The following CLDN14 variants were observed in gnomAD, a reference collection of about 807,000 sequenced individuals.
CLDN14 encodes the protein claudin-14.
In CLDN14, 2 loss-of-function variants were observed where a neutral mutation model predicts 2.1. That is an observed-to-expected ratio of 0.96 (90% CI 0.39 to 3.01). CLDN14 has a LOEUF of 3.01. Among genes scored for constraint, CLDN14 ranks in the 30% most tolerant of loss-of-function variants. CLDN14 has a pLI of 0.09. For missense variants in CLDN14, 298 were observed against 328.0 expected (o/e 0.91, Z 0.71); for synonymous variants, 136 against 154.4 (o/e 0.88, Z 0.88).
chr21:36,498,038 TG>T lies in CLDN14; in HGVS notation c.-82+12324del, dbSNP rs1355664966. 2.0e-5 allele frequency among the ~76,000 whole-genome samples: 3 copies of T among 151,896 alleles called. No individual in the cohort carries two copies. The highest frequency in any genetic ancestry group is 7.3e-5 in the African/African-American group (3 of 41,344). The stretch of plus-strand genomic sequence containing the variant: ...TTTTTGAGATGGAGTTTTGCTCTGT[TG>T]CCCAGGCTGGAGTGCAGTGGTGCAA... On this transcript the variant is annotated intron_variant, in intron 2 of 2. Transcript: ENST00000342108. This position sits in a 1 kb window ranked among gnomAD's most constrained non-coding sequence, Gnocchi z 4.9.
chr21:36,486,957 G>A, intron 2 of CLDN14: 1 of 473,666 alleles, frequency 2.1e-6, no homozygotes. Flanking sequence ...GGGCCATGTT[G>A]TTCTCAGGGT....
chr21:36,554,596 G>T (rs1336656893), intron 1 of CLDN14, among the ~76,000 whole-genome samples: 1 of 152,182 alleles, frequency 6.6e-6, no homozygotes, highest in Admixed American at 6.5e-5. Context: ...GGAAGGCAAG[G>T]CACAGAGAGG....
intron 1 of CLDN14, among the ~76,000 whole-genome samples, chr21:36,513,189 G>C (rs527520717): frequency 7.2e-5 from 11 of 152,326 alleles, no homozygotes; most frequent in African/African-American, 2.6e-4. Context: ...TGCCATCAGG[G>C]CCAATGAGAT....
chr21:36,461,184 G>A lies in CLDN14; in HGVS notation c.512C>T (p.Ser171Leu), dbSNP rs75617474. 29 of 1,613,930 alleles carry A rather than the reference G, an allele frequency of 1.8e-5. No homozygotes were observed. Among genetic ancestry groups the A allele is most frequent in the East Asian group, 2.2e-5 (1 of 44,860 alleles). Residue 171 changes from serine to leucine, a missense_variant, in exon 2 of 2, where the codon TCG becomes TTG. Ser to Leu is a moderately radical substitution (Grantham distance 145, BLOSUM62 -2). Transcript: ENST00000399135. Reference protein sequence around the residue: ...GQALYLGFISSSLSLIGGTLL... With the variant: ...GQALYLGFISLSLSLIGGTLL... Reference sequence around the variant, plus strand: ...GGTGCCACCAATGAGCGAGAGGGACGAGGAGATGAAGCCCAGGTACAGGGC... The same window carrying A: ...GGTGCCACCAATGAGCGAGAGGGACAAGGAGATGAAGCCCAGGTACAGGGC...
At chr21:36,467,698 G>T (rs888994121) in intron 1 of CLDN14, among the ~76,000 whole-genome samples, 1 of 152,042 alleles carries the variant, frequency 6.6e-6, no homozygotes, top group Non-Finnish European at 1.5e-5. Context: ...GGATGGGTGG[G>T]GTGTTTGAGT....
rs1480611097 is a variant in CLDN14 at position 36,461,503 on chromosome 21, G to A, written c.193C>T (p.Gln65Ter). ...VWHSTGIYQC[Q>*]IYRSLLALPQ... ...AGCGCCAGCAGGGATCGGTAGATCT[G>A]GCACTGGTAGATGCCTGTGCTGTGC... The change falls in exon 2 of 2, where the codon CAG (glutamine) becomes TAG (stop). Residue 65 changes from glutamine to a stop codon, truncating the protein, a stop_gained. Coordinates refer to ENST00000399135, the MANE Select transcript of CLDN14 (RefSeq NM_001146079.2). LOFTEE classifies it low-confidence loss of function (END_TRUNC). The A allele has an allele frequency of 1.9e-6, 3 of 1,613,282 alleles. No homozygotes were observed. The highest frequency in any genetic ancestry group is 2.5e-6 in the Non-Finnish European group (3 of 1,179,992).
intron 1 of CLDN14, among the ~76,000 whole-genome samples, chr21:36,514,553 A>G (rs1245330521): frequency 1.3e-5 from 2 of 151,902 alleles, no homozygotes; most frequent in Non-Finnish European, 2.9e-5. Flanking sequence ...AACTGGGATA[A>G]TCTCTTGCAG....
chr21:36,542,439 A>T (rs1425881570), intron 1 of CLDN14: 1 of 152,162 alleles, frequency 6.6e-6, no homozygotes, highest in Non-Finnish European at 1.5e-5. Flanking sequence ...TGATCAGCTG[A>T]TCCCCTGTGA....
chr21:36,545,507 GA>G (rs2087520408), intron 1 of CLDN14, among the ~76,000 whole-genome samples: 2 of 152,122 alleles, frequency 1.3e-5, no homozygotes, highest in African/African-American at 4.8e-5. Context: ...GGATGCAAAG[GA>G]CCATAATTTC....
chr21:36,518,327 G>A lies in CLDN14; in HGVS notation c.-219-7827C>T, dbSNP rs527585136. 5.8e-4 allele frequency among the ~76,000 whole-genome samples: 89 copies of A among 152,298 alleles called. 1 individual carries two copies. The highest frequency in any genetic ancestry group is 1.5e-3 in the African/African-American group (63 of 41,562). ...AAAAAGTTCATACTTCTGGCCGGGCGTGGTGGCTCATGCCTGTAATCCCAG... is the reference window on the plus strand; with the variant it reads ...AAAAAGTTCATACTTCTGGCCGGGCATGGTGGCTCATGCCTGTAATCCCAG... On this transcript the variant is annotated intron_variant, in intron 1 of 2. Coordinates refer to the CLDN14 transcript ENST00000342108.
chr21:36,575,537 C>T (rs2087735962), intron 1 of CLDN14, among the ~76,000 whole-genome samples: 1 of 152,112 alleles, frequency 6.6e-6, no homozygotes, highest in South Asian at 2.1e-4. Context: ...GTCATGCAAC[C>T]TCACTAATGC....
At chr21:36,493,245 C>T (rs1177567758) in intron 2 of CLDN14, among the ~76,000 whole-genome samples, 1 of 152,088 alleles carries the variant, frequency 6.6e-6, no homozygotes, top group Admixed American at 6.5e-5. Flanking sequence ...GTCTCTGGGT[C>T]CACCCCACAG....
chr21:36,472,363 T>G (rs1226158325), intron 1 of CLDN14, among the ~76,000 whole-genome samples: 1 of 152,194 alleles, frequency 6.6e-6, no homozygotes, highest in African/African-American at 2.4e-5. Flanking sequence ...CTTGGGCAAC[T>G]GGAGGAATGG....
At chr21:36,502,835 C>T in intron 2 of CLDN14, among the ~76,000 whole-genome samples, 1 of 152,202 alleles carries the variant, frequency 6.6e-6, no homozygotes, top group African/African-American at 2.4e-5. Context: ...TCTATGTAAT[C>T]TTGAATCCAT....
At chr21:36,484,117 C>T (rs145402139), upstream of CLDN14, among the ~76,000 whole-genome samples, 1 of 152,280 alleles carries the variant, frequency 6.6e-6, no homozygotes, top group East Asian at 1.9e-4. Flanking sequence ...GGATTTAGAA[C>T]CGTAGGCCTT....
At chr21:36,512,248 C>A (rs896648681) in intron 1 of CLDN14, among the ~76,000 whole-genome samples, 1 of 152,102 alleles carries the variant, frequency 6.6e-6, no homozygotes, top group African/African-American at 2.4e-5. Context: ...GTTGACTTGC[C>A]AAACTGATGG....
At chr21:36,573,040 G>A (rs1433078630) in intron 1 of CLDN14, among the ~76,000 whole-genome samples, 6 of 152,182 alleles carry the variant, frequency 3.9e-5, no homozygotes, top group African/African-American at 9.7e-5. Flanking sequence ...GGTGGCTCAC[G>A]CCTGTAATCC....
At chr21:36,561,239 A>T (rs964940142) in intron 1 of CLDN14, among the ~76,000 whole-genome samples, 6 of 152,176 alleles carry the variant, frequency 3.9e-5, no homozygotes, top group African/African-American at 9.7e-5. Context: ...GAGAGTTTCC[A>T]TGCTCAGGGA....
chr21:36,558,763 T>TG (rs1284936801), intron 1 of CLDN14, among the ~76,000 whole-genome samples: 3 of 41,142 alleles, frequency 7.3e-5, no homozygotes, highest in Non-Finnish European at 2.1e-4. Context: ...CAAGGTGGGG[T>TG]TTTTTTTTTG....
Sources: gnomAD v4.1 joint callset for allele counts (sites outside exome capture counted in the v4.1 genomes callset) on GRCh38, gnomAD v4.1.1 for gene constraint, Gnocchi (gnomAD v3.1) non-coding constraint, MANE v1.5 for transcripts, NCBI Gene and HGNC (gene_info 2026-07-23, HGNC 2026-07-21) for gene names.